Variants in FRMPD4 observed in about 807,000 individuals in gnomAD.
FRMPD4 encodes the protein FERM and PDZ domain-containing protein 4.
Under a neutral mutation model 94.1 loss-of-function variants are expected in FRMPD4, and 22 were observed. The ratio of observed to expected loss-of-function variants is 0.23; its 90% CI spans 0.17 to 0.33. The LOEUF (loss-of-function observed/expected upper bound fraction) is 0.33. Among genes scored for constraint, FRMPD4 ranks in the 10% least tolerant of loss-of-function variants. The probability of loss-of-function intolerance (pLI) is 1.00; values close to 1 mark genes in which losing one functional copy is unlikely to be tolerated. For synonymous variants in FRMPD4, 631 were observed against 548.6 expected, an observed-to-expected ratio of 1.15 and a Z score of -2.10; for missense variants, 1,111 against 1,339.9, an observed-to-expected ratio of 0.83 and a Z score of 2.67.
intron 2 of FRMPD4, among the ~76,000 whole-genome samples, chrX:12,587,621 A>G (rs1477301327): frequency 1.0e-5 from 1 of 100,276 alleles, no homozygotes; most frequent in Non-Finnish European, 2.0e-5. Flanking sequence ...ATTCCTTTTT[A>G]TGGCTGAATA....
chrX:12,604,137 A>AT, intron 2 of FRMPD4, among the ~76,000 whole-genome samples: 1 of 110,355 alleles, frequency 9.1e-6, no homozygotes, highest in Non-Finnish European at 1.9e-5. Context: ...AAAAAAAAAA[A>AT]CCAATGAAGA....
At chrX:12,259,140 TC>T (rs1394187066) in intron 1 of FRMPD4, among the ~76,000 whole-genome samples, 1 of 111,927 alleles carries the variant, frequency 8.9e-6, no homozygotes, top group African/African-American at 3.2e-5. Flanking sequence ...AGGAGGTTCT[TC>T]TTCAGTAAAT....
chrX:11,989,621 A>T (rs2054452746), intron 3 of FRMPD4, among the ~76,000 whole-genome samples: 1 of 111,666 alleles, frequency 9.0e-6, no homozygotes, highest in Admixed American at 9.5e-5. Context: ...TTAATTGTAC[A>T]CTTTAAAATA....
chrX:12,527,120 T>C (rs1322191369), intron 2 of FRMPD4, among the ~76,000 whole-genome samples: 2 of 112,422 alleles, frequency 1.8e-5, no homozygotes, highest in Non-Finnish European at 3.8e-5. Context: ...ATGGCTTTAG[T>C]TGATCATTTT....
intron 1 of FRMPD4, among the ~76,000 whole-genome samples, chrX:12,169,013 A>G (rs2056175567): frequency 8.9e-6 from 1 of 112,039 alleles, no homozygotes; most frequent in Non-Finnish European, 1.9e-5. Context: ...CAACTATTAA[A>G]CTTATAATTC....
chrX:11,889,930 C>T (rs980336561), intron 3 of FRMPD4, among the ~76,000 whole-genome samples: 4 of 112,312 alleles, frequency 3.6e-5, no homozygotes, highest in African/African-American at 6.5e-5. Flanking sequence ...AAAACAGAAG[C>T]TGCCAAGCTT....
intron 4 of FRMPD4, among the ~76,000 whole-genome samples, chrX:12,655,643 C>T (rs981880755): frequency 1.8e-5 from 2 of 111,976 alleles, no homozygotes; most frequent in Non-Finnish European, 3.8e-5. Flanking sequence ...GGTCTGGAGA[C>T]TTCTCTGCAT....
At chrX:12,256,495 G>C (rs2054116287) in intron 1 of FRMPD4, among the ~76,000 whole-genome samples, 1 of 112,021 alleles carries the variant, frequency 8.9e-6, no homozygotes, top group South Asian at 3.7e-4. Flanking sequence ...GTGTGAGTGA[G>C]TGACTGTAAG....
At chrX:12,389,144 G>A (rs2056441143) in intron 1 of FRMPD4, among the ~76,000 whole-genome samples, 1 of 108,708 alleles carries the variant, frequency 9.2e-6, no homozygotes, top group African/African-American at 3.4e-5. Flanking sequence ...ACAGTGTGGT[G>A]GATATAGCTA....
At chrX:11,988,908 T>G (rs2054448712) in intron 3 of FRMPD4, among the ~76,000 whole-genome samples, 1 of 111,585 alleles carries the variant, frequency 9.0e-6, no homozygotes, top group Non-Finnish European at 1.9e-5. Flanking sequence ...CAACGAGATA[T>G]CATATCACCC....
chrX:12,247,637 T>A (rs2053974674), intron 1 of FRMPD4, among the ~76,000 whole-genome samples: 1 of 111,927 alleles, frequency 8.9e-6, no homozygotes, highest in African/African-American at 3.3e-5. Flanking sequence ...ACCACCCACT[T>A]TGGCCTCCAA....
intron 3 of FRMPD4, among the ~76,000 whole-genome samples, chrX:11,964,199 G>A (rs776057303): frequency 1.8e-5 from 2 of 109,527 alleles, no homozygotes; most frequent in South Asian, 8.0e-4. Flanking sequence ...TCACTCTGTC[G>A]CCCAGGTAGG....
chrX:12,529,937 C>T (rs1467738207), intron 2 of FRMPD4, among the ~76,000 whole-genome samples: 1 of 110,132 alleles, frequency 9.1e-6, no homozygotes, highest in Non-Finnish European at 1.9e-5. Context: ...CACACCAGTT[C>T]TCAGAGATTT....
intron 1 of FRMPD4, among the ~76,000 whole-genome samples, chrX:12,160,233 C>A (rs747991184): frequency 9.0e-6 from 1 of 111,222 alleles, no homozygotes; most frequent in Non-Finnish European, 1.9e-5. Flanking sequence ...TCAAACTGTT[C>A]CCTAATGTAT....
intron 1 of FRMPD4, among the ~76,000 whole-genome samples, chrX:12,301,061 A>C (rs1475378093): frequency 9.0e-6 from 1 of 111,612 alleles, no homozygotes; most frequent in African/African-American, 3.3e-5. Flanking sequence ...CGTGGTCTAT[A>C]ACTGCTTTCT....
chrX:12,258,290 C>T lies in FRMPD4; in HGVS notation c.41+119278C>T, dbSNP rs1216861810. Among the ~76,000 whole-genome samples, 3 of 110,644 alleles carry T rather than the reference C, an allele frequency of 2.7e-5. No individual in the cohort carries two copies. In the East Asian group the frequency reaches 8.6e-4, roughly 32 times the overall value. ...AGGTGATTAGGTCATGAGGGCTCTGCCTTCATGACTGGATTAACGCCATTA... is the reference window on the plus strand; with the variant it reads ...AGGTGATTAGGTCATGAGGGCTCTGTCTTCATGACTGGATTAACGCCATTA... On this transcript the variant is annotated intron_variant, in intron 1 of 16. Coordinates refer to ENST00000675598, the MANE Select transcript of FRMPD4 (RefSeq NM_001368397.1).
chrX:12,058,831 C>T (rs1017256860), intron 3 of FRMPD4, among the ~76,000 whole-genome samples: 6 of 110,121 alleles, frequency 5.4e-5, no homozygotes, highest in Admixed American at 1.9e-4. Flanking sequence ...AACTGGGGGA[C>T]GGGTTGCTTC....
At chrX:12,035,856 T>C (rs893332893) in intron 3 of FRMPD4, among the ~76,000 whole-genome samples, 2 of 111,905 alleles carry the variant, frequency 1.8e-5, no homozygotes, top group African/African-American at 6.5e-5. Context: ...CTTGAAATGA[T>C]AGGCACATAT....
In FRMPD4 at chrX:11,960,732, G is replaced by T. The variant is rs189030735; in HGVS notation, c.95+82714G>T. On this transcript the variant is annotated intron_variant, in intron 3 of 18. Coordinates refer to the FRMPD4 transcript ENST00000640291. ...TGATCATAACATTTGTCAGTATATT[G>T]AATTCAACCGTATGTATATATCTGC... is the stretch of plus-strand genomic sequence containing the variant. Among the ~76,000 whole-genome samples, 3 of 111,485 alleles carry T rather than the reference G, an allele frequency of 2.7e-5. No homozygotes were observed. In the Admixed American group the frequency reaches 2.9e-4, roughly 11 times the overall value.
Sources: gnomAD v4.1 joint callset for allele counts (sites outside exome capture counted in the v4.1 genomes callset) on GRCh38, gnomAD v4.1.1 for gene constraint, MANE v1.5 for transcripts, NCBI Gene and HGNC (gene_info 2026-07-23, HGNC 2026-07-21) for gene names.